Variants in RRP8 observed in about 807,000 individuals in gnomAD.
The protein encoded by RRP8 is ribosomal RNA-processing protein 8.
Under a neutral mutation model 45.0 loss-of-function variants are expected in RRP8, and 48 were observed. The observed-to-expected ratio is 1.07, with a 90% CI of 0.85 to 1.36. The LOEUF is 1.36. RRP8 is among the 40% of genes most tolerant of loss of function. RRP8 has a pLI of 0.00. For synonymous variants in RRP8, 274 were observed against 212.4 expected, an observed-to-expected ratio of 1.29 and a Z score of -2.52; for missense variants, 658 against 573.7, an observed-to-expected ratio of 1.15 and a Z score of -1.50.
Position 6,601,996 on chromosome 11 carries a change from C to G in RRP8, c.319G>C (p.Glu107Gln), listed in dbSNP as rs1460232961. ...TTCTTCTTCCTTTCTACTTCTTCCTCAGAGTCACTGCAAGGTGGGCCCTGT... is the reference window on the plus strand; with the variant it reads ...TTCTTCTTCCTTTCTACTTCTTCCTGAGAGTCACTGCAAGGTGGGCCCTGT... Reference protein sequence around the residue: ...QKQGPPCSDSEEEVERKKKCH... With the variant: ...QKQGPPCSDSQEEVERKKKCH... The change falls in exon 2 of 7, where the codon GAG becomes CAG. Residue 107 changes from glutamate to glutamine, a missense_variant. Transcript: ENST00000254605. 1 of 1,614,216 alleles carries G rather than the reference C, an allele frequency of 6.2e-7. No individual in the cohort carries two copies. The highest frequency in any genetic ancestry group is 1.1e-5 in the South Asian group (1 of 91,084).
intron 6 of RRP8, 47 bp downstream of exon 6, chr11:6,600,439 A>T (rs770477322): frequency 6.4e-7 from 1 of 1,557,274 alleles, no homozygotes; most frequent in South Asian, 1.1e-5. Context: ...TACCCTGAAT[A>T]GGGCCACATG....
rs1247140476 is a variant in RRP8, at chr11:6,598,627, C to A, written c.*1519G>T. On this transcript the variant is annotated 3_prime_UTR_variant, in exon 7 of 7. Transcript: ENST00000254605. ...TCGGAAAGATGAGCAAACTGCCAGTCCGATGAATATCCAGCAGAAAGAACA... is the reference window on the plus strand; with the variant it reads ...TCGGAAAGATGAGCAAACTGCCAGTACGATGAATATCCAGCAGAAAGAACA... The A allele has an allele frequency of 6.6e-6, 1 of 152,214 alleles. No homozygotes were observed. Among genetic ancestry groups the A allele is most frequent in the Non-Finnish European group, 1.5e-5 (1 of 68,056 alleles). 9.4% of individuals were successfully genotyped at this position (152,214 alleles called of 1,614,324 possible). A position where few individuals can be genotyped will look rare whatever the true frequency, so the allele number is the denominator to read the frequency against.
In RRP8 at chr11:6,602,186, T is replaced by G. The variant is rs1290759558; in HGVS notation, c.129A>C (p.Thr43=). 1.0e-5 allele frequency: 16 copies of G among 1,584,016 alleles called. No homozygotes were observed. The highest frequency in any genetic ancestry group is 1.4e-5 in the African/African-American group (1 of 73,552). ...GAGATGCTGCCTCTAGGGCCCGTAA[T>G]GTGGCCAAGAGCTGGCGGCGCTTGG... ...KGSKRRQLLA[T]LRALEAASLS... The change falls in exon 2 of 7, where the codon ACA becomes ACC. Residue 43 remains threonine (T), a synonymous_variant. Coordinates refer to ENST00000254605, the MANE Select transcript of RRP8 (RefSeq NM_015324.4).
At position 6,597,708 on chromosome 11, in the gene RRP8, T is replaced by C. The variant is rs1854254727; in HGVS notation, c.*2438A>G. ...GAGTTCGAGACCAGCCTGGCCAACA[T>C]GGTGAAACCCCGTCACTACTAAAAA... On this transcript the variant is annotated 3_prime_UTR_variant, in exon 7 of 7. Transcript: ENST00000254605. 2 of 151,616 alleles carry C rather than the reference T, an allele frequency of 1.3e-5. No homozygotes were observed. Among genetic ancestry groups the C allele is most frequent in the Non-Finnish European group, 2.9e-5 (2 of 68,012 alleles). 9.4% of individuals were successfully genotyped at this position (151,616 alleles called of 1,614,324 possible).
chr11:6,595,428 A>C lies in RRP8; in HGVS notation c.*4718T>G, dbSNP rs1854211315. On this transcript the variant is annotated 3_prime_UTR_variant, in exon 7 of 7. Coordinates refer to ENST00000254605, the MANE Select transcript of RRP8 (RefSeq NM_015324.4). ...CTAAGTAGGGCATCCCTGCTTAATC[A>C]ATAACACTTCATTTCGTGACCATGA... 1 of 152,164 alleles carries C rather than the reference A, an allele frequency of 6.6e-6. No individual in the cohort carries two copies. Among genetic ancestry groups the C allele is most frequent in the Non-Finnish European group, 1.5e-5 (1 of 68,016 alleles). The allele number at this position is 152,164 out of a possible 1,614,324, so 9.4% of individuals were successfully genotyped here.
rs1284242687 is a variant in RRP8 at position 6,603,384 on chromosome 11, TGCTCCCGCGAGTC to T, written c.99+7_99+19del. ...CTTCGCGGCCTGAAACAGCTCCCAT[TGCTCCCGCGAGTC>T]ACTCACCTTGTTTTGCGAGGAGGCC... On this transcript the variant is annotated splice_region_variant and intron_variant, in intron 1 of 6. Transcript: ENST00000254605. The T allele has an allele frequency of 8.9e-6, 14 of 1,568,804 alleles. No homozygotes were observed. Among genetic ancestry groups the T allele is most frequent in the Non-Finnish European group, 1.2e-5 (14 of 1,150,948 alleles).
chr11:6,595,838 C>G lies in RRP8; in HGVS notation c.*4308G>C, dbSNP rs1285741729. ...TAACTGCTAAAACACCCTCAAAACT[C>G]ACTAGCAGAATGTAATCAAGTTTAT... On this transcript the variant is annotated 3_prime_UTR_variant, in exon 7 of 7. Transcript: ENST00000254605. 1 of 152,204 alleles carries G rather than the reference C, an allele frequency of 6.6e-6. No individual in the cohort carries two copies. Among genetic ancestry groups the G allele is most frequent in the Non-Finnish European group, 1.5e-5 (1 of 68,038 alleles). The allele number at this position is 152,204 out of a possible 1,614,324, so 9.4% of individuals were successfully genotyped here.
rs1854246606 is a variant in RRP8, at chr11:6,597,512, T to G, written c.*2634A>C. ...GGCCCTCCACATTACTCAGCAATCC[T>G]TACCCCACTGCATTCTGAGTTCTCT... On this transcript the variant is annotated 3_prime_UTR_variant, in exon 7 of 7. Coordinates refer to ENST00000254605, the MANE Select transcript of RRP8 (RefSeq NM_015324.4). 1 of 149,276 alleles carries G rather than the reference T, an allele frequency of 6.7e-6. No homozygotes were observed. Among genetic ancestry groups the G allele is most frequent in the East Asian group, 2.0e-4 (1 of 5,116 alleles). The allele number at this position is 149,276 out of a possible 1,614,324, so 9.2% of individuals were successfully genotyped here. A position where few individuals can be genotyped will look rare whatever the true frequency, so the allele number is the denominator to read the frequency against.
In RRP8 at chr11:6,602,089, G is replaced by A. The variant is rs1481278620; in HGVS notation, c.226C>T (p.Pro76Ser). 1 of 1,613,208 alleles carries A rather than the reference G, an allele frequency of 6.2e-7. No individual in the cohort carries two copies. Among genetic ancestry groups the A allele is most frequent in the Non-Finnish European group, 8.5e-7 (1 of 1,179,450 alleles). ...EEEEERKKKC[P>S]KKASFASASA... ...GCACTGGCAAATGATGCCTTTTTGG[G>A]GCATTTCTTCTTCCTTTCCTCCTCC... The change falls in exon 2 of 7, where the codon CCC becomes TCC. Residue 76 changes from proline to serine, a missense_variant. Coordinates refer to ENST00000254605, the MANE Select transcript of RRP8 (RefSeq NM_015324.4).
Position 6,603,447 on chromosome 11 carries a change from G to C in RRP8, c.56C>G (p.Pro19Arg), listed in dbSNP as rs751156527. 6.2e-7 allele frequency: 1 copy of C among 1,605,216 alleles called. No homozygotes were observed. Among genetic ancestry groups the C allele is most frequent in the Non-Finnish European group, 8.5e-7 (1 of 1,176,936 alleles). ...EAAPVAAGLG[P>R]VISRPPPAAS... ...CGCAGGCGGAGGTCGTGAGATTACGGGCCCAAGGCCCGCGGCTACTGGGGC... is the reference window on the plus strand; with the variant it reads ...CGCAGGCGGAGGTCGTGAGATTACGCGCCCAAGGCCCGCGGCTACTGGGGC... Residue 19 changes from proline (P) to arginine (R), a missense_variant, in exon 1 of 7, where the codon CCC becomes CGC. Transcript: ENST00000254605.
rs188978085 is a variant in RRP8, at chr11:6,600,509, G to A, written c.1228C>T (p.Leu410=). 1 of 1,613,766 alleles carries A rather than the reference G, an allele frequency of 6.2e-7. No individual in the cohort carries two copies. Among genetic ancestry groups the A allele is most frequent in the East Asian group, 2.2e-5 (1 of 44,884 alleles). ...VRTFLRAVTK[L]GFKIVSKDLT... ...ACCTTGGAGACAATCTTGAAGCCTA[G>A]CTTGGTCACAGCCCGCAGAAAGGTT... Residue 410 remains leucine (L), a synonymous_variant, in exon 6 of 7, where the codon CTA becomes TTA. Coordinates refer to ENST00000254605, the MANE Select transcript of RRP8 (RefSeq NM_015324.4).
rs1415554266 is a variant in RRP8 at position 6,600,016 on chromosome 11, G to A, written c.*130C>T. 1 of 582,220 alleles carries A rather than the reference G, an allele frequency of 1.7e-6. No homozygotes were observed. The highest frequency in any genetic ancestry group is 2.9e-6 in the Non-Finnish European group (1 of 339,322). 36.1% of individuals were successfully genotyped at this position (582,220 alleles called of 1,614,324 possible). On this transcript the variant is annotated 3_prime_UTR_variant, in exon 7 of 7. Coordinates refer to ENST00000254605, the MANE Select transcript of RRP8 (RefSeq NM_015324.4). ...TCAGTAGAGCAAGTCTGAGCCAGAG[G>A]TTTTATCACACTTTGTCCTCAGGGT... is the stretch of plus-strand genomic sequence containing the variant.
At position 6,599,919 on chromosome 11, in the gene RRP8, A is replaced by C. The variant is rs1373915202; in HGVS notation, c.*227T>G. On this transcript the variant is annotated 3_prime_UTR_variant, in exon 7 of 7. Coordinates refer to ENST00000254605, the MANE Select transcript of RRP8 (RefSeq NM_015324.4). ...GAAGTGTCATGAGACAGATATCCCC[A>C]TGTTCTCACAATAAACTCTTTATTG... is the stretch of plus-strand genomic sequence containing the variant. The C allele has an allele frequency of 1.2e-5, 4 of 324,402 alleles. No individual in the cohort carries two copies. Among genetic ancestry groups the C allele is most frequent in the African/African-American group, 6.4e-5 (3 of 46,694 alleles). The allele number at this position is 324,402 out of a possible 1,614,324, so 20.1% of individuals were successfully genotyped here.
Position 6,600,769 on chromosome 11 carries a change from G to A in RRP8, c.1054C>T (p.Leu352=), listed in dbSNP as rs1170010654. 6.2e-7 allele frequency: 1 copy of A among 1,613,652 alleles called. No homozygotes were observed. The highest frequency in any genetic ancestry group is 1.7e-5 in the Admixed American group (1 of 60,028). ...VTVCDMAQVP[L]EDESVDVAVF... is the part of the protein sequence containing the mutation. ...GCCACATCCACAGACTCATCCTCCA[G>A]AGGAACCTGTGGAGAGTGAGAGTGT... The change falls in exon 5 of 7, where the codon CTG becomes TTG. Residue 352 remains leucine (L), a synonymous_variant. Coordinates refer to ENST00000254605, the MANE Select transcript of RRP8 (RefSeq NM_015324.4).
Position 6,601,594 on chromosome 11 carries a change from C to T in RRP8, c.472G>A (p.Ala158Thr), listed in dbSNP as rs755920680. 3.8e-5 allele frequency: 61 copies of T among 1,598,676 alleles called. No individual in the cohort carries two copies. In the East Asian group the frequency reaches 1.3e-3, roughly 34 times the overall value. The stretch of plus-strand genomic sequence containing the variant: ...TCATTTGTAGTACTACCCTTCCAGG[C>T]TTTGGGACCTACAGGGAGGGAGATG... ...LDNVDQTGPK[A>T]WKGSTTNDPP... Residue 158 changes from alanine to threonine, a missense_variant, in exon 3 of 7, where the codon GCC becomes ACC. By Grantham distance (58) the Ala-to-Thr change is moderately conservative (BLOSUM62 0). Coordinates refer to ENST00000254605, the MANE Select transcript of RRP8 (RefSeq NM_015324.4).
Position 6,601,016 on chromosome 11 carries a change from A to G in RRP8, c.957T>C (p.Asp319=), listed in dbSNP as rs1413899616. 4 of 1,614,068 alleles carry G rather than the reference A, an allele frequency of 2.5e-6. No individual in the cohort carries two copies. The part of the protein sequence containing the change: ...SLVVADFGCG[D]CRLASSIRNP... Reference sequence around the variant, plus strand: ...TCCGGATACTTGAAGCCAAGCGGCAATCCCCACAGCCGAAGTCAGCCACCA... The same window carrying G: ...TCCGGATACTTGAAGCCAAGCGGCAGTCCCCACAGCCGAAGTCAGCCACCA... Residue 319 remains aspartate (D), a synonymous_variant, in exon 4 of 7, where the codon GAT becomes GAC. Coordinates refer to ENST00000254605, the MANE Select transcript of RRP8 (RefSeq NM_015324.4).
At position 6,602,327 on chromosome 11, in the gene RRP8, C is replaced by T. The variant is rs552802552; in HGVS notation, c.100-112G>A. The T allele has an allele frequency of 1.5e-5, 19 of 1,287,744 alleles. No homozygotes were observed. The East Asian group carries it at 4.6e-4, about 31-fold the overall frequency. 79.8% of individuals were successfully genotyped at this position (1,287,744 alleles called of 1,614,324 possible). On this transcript the variant is annotated intron_variant, in intron 1 of 6. Coordinates refer to ENST00000254605, the MANE Select transcript of RRP8 (RefSeq NM_015324.4). The stretch of plus-strand genomic sequence containing the variant: ...GACTGGCAGAAGCATCTGAATTCTT[C>T]CCAGTCAAGCCTGCCAGAACCCAGA...
chr11:6,601,743 C>G (rs1279191906), intron 2 of RRP8, 109 bp downstream of exon 2: 2 of 1,482,766 alleles, frequency 1.3e-6, no homozygotes, highest in Non-Finnish European at 1.8e-6. Flanking sequence ...CCTGAGTACA[C>G]CATTAGCCCC....
In RRP8 at chr11:6,600,664, CT is replaced by C; in HGVS notation, c.1154+4del. 1 of 1,613,194 alleles carries C rather than the reference CT, an allele frequency of 6.2e-7. No homozygotes were observed. Among genetic ancestry groups the C allele is most frequent in the Non-Finnish European group, 8.5e-7 (1 of 1,179,116 alleles). Reference sequence around the variant, plus strand: ...TACATGCATCTGTGTCCTGGGGGCTCTTACCCTGGCTTCAGTACTCTATTTG... The same window carrying C: ...TACATGCATCTGTGTCCTGGGGGCTCTACCCTGGCTTCAGTACTCTATTTG... On this transcript the variant is annotated splice_donor_region_variant and intron_variant, in intron 5 of 6. Coordinates refer to ENST00000254605, the MANE Select transcript of RRP8 (RefSeq NM_015324.4).
Sources: allele counts gnomAD v4.1 joint callset, GRCh38; gene constraint gnomAD v4.1.1; transcripts MANE v1.5; gene names NCBI Gene and HGNC (gene_info 2026-07-23, HGNC 2026-07-21).